Variants in CADPS2 observed in about 807,000 individuals in gnomAD.
CADPS2 encodes the protein calcium dependent secretion activator 2, also known as calcium-dependent secretion activator 2.
In CADPS2, 93 loss-of-function variants were observed where a neutral mutation model predicts 172.5. The ratio of observed to expected loss-of-function variants is 0.54; its 90% CI spans 0.46 to 0.64. CADPS2 has a LOEUF of 0.64. Among genes scored for constraint, CADPS2 ranks in the 30% least tolerant of loss-of-function variants. CADPS2 has a pLI of 0.00. For synonymous variants in CADPS2, 546 were observed against 555.2 expected, an observed-to-expected ratio of 0.98 and a Z score of 0.23; for missense variants, 1,420 against 1,565.9, an observed-to-expected ratio of 0.91 and a Z score of 1.57.
chr7:122,727,770 T>C (rs1036235141), intron 2 of CADPS2, among the ~76,000 whole-genome samples: 28 of 151,898 alleles, frequency 1.8e-4, no homozygotes, highest in African/African-American at 5.3e-4. Flanking sequence ...TATACAACAA[T>C]AGGAATCTCA....
intron 2 of CADPS2, among the ~76,000 whole-genome samples, chr7:122,691,368 C>T (rs951649013): frequency 6.6e-6 from 1 of 152,222 alleles, no homozygotes; most frequent in Non-Finnish European, 1.5e-5. Flanking sequence ...GGACTAAAAG[C>T]CTGTTGGCAC....
At chr7:122,519,401 T>C (rs772070370) in intron 8 of CADPS2, among the ~76,000 whole-genome samples, 1 of 152,102 alleles carries the variant, frequency 6.6e-6, no homozygotes, top group African/African-American at 2.4e-5. Context: ...AACAATTGCC[T>C]GCTTAACTTT....
chr7:122,541,194 A>G (rs1191724508), intron 8 of CADPS2, among the ~76,000 whole-genome samples: 1 of 151,094 alleles, frequency 6.6e-6, no homozygotes, highest in African/African-American at 2.4e-5. Flanking sequence ...TGGTATTATG[A>G]GATGATTTTT....
At chr7:122,414,911 T>C (rs1237763980) in intron 18 of CADPS2, among the ~76,000 whole-genome samples, 1 of 152,220 alleles carries the variant, frequency 6.6e-6, no homozygotes, top group African/African-American at 2.4e-5. Context: ...TTTCATGTGC[T>C]TCCTCAAGAA....
intron 14 of CADPS2, among the ~76,000 whole-genome samples, chr7:122,467,920 G>C (rs913928531): frequency 2.6e-5 from 4 of 152,134 alleles, no homozygotes; most frequent in Non-Finnish European, 5.9e-5. Flanking sequence ...GCATGAGTGG[G>C]TCTGTTTCTG....
chr7:122,608,357 T>C (rs977656513), intron 6 of CADPS2, among the ~76,000 whole-genome samples: 1 of 152,220 alleles, frequency 6.6e-6, no homozygotes, highest in African/African-American at 2.4e-5. Flanking sequence ...GAAACTAATA[T>C]GCTTTTAAAA....
chr7:122,852,830 A>G (rs1814062744), intron 1 of CADPS2, among the ~76,000 whole-genome samples: 1 of 152,268 alleles, frequency 6.6e-6, no homozygotes, highest in South Asian at 2.1e-4. Context: ...GACTTCTGTT[A>G]TAACGGAATC....
At chr7:122,623,257 T>C (rs901065355) in intron 4 of CADPS2, among the ~76,000 whole-genome samples, 2 of 151,666 alleles carry the variant, frequency 1.3e-5, no homozygotes, top group African/African-American at 4.8e-5. Flanking sequence ...AGGGAAGGAA[T>C]TGTCTTTAGA....
chr7:122,882,123 T>C (rs547140435), intron 1 of CADPS2, among the ~76,000 whole-genome samples: 4 of 152,276 alleles, frequency 2.6e-5, no homozygotes, highest in Non-Finnish European at 5.9e-5. Flanking sequence ...TTTCACCCAA[T>C]ACTATTTCCC....
intron 1 of CADPS2, among the ~76,000 whole-genome samples, chr7:122,869,017 G>T (rs1819034467): frequency 6.6e-6 from 1 of 151,734 alleles, no homozygotes; most frequent in African/African-American, 2.4e-5. Flanking sequence ...GGAGCTAAAT[G>T]AAAAAAGAAT....
chr7:122,506,149 G>A (rs2059591894), intron 9 of CADPS2, among the ~76,000 whole-genome samples: 1 of 152,038 alleles, frequency 6.6e-6, no homozygotes, highest in African/African-American at 2.4e-5. Flanking sequence ...CCACTTGCCA[G>A]GGAATTAGAT....
intron 9 of CADPS2, among the ~76,000 whole-genome samples, chr7:122,512,250 G>A (rs1428252774): frequency 6.6e-6 from 1 of 152,082 alleles, no homozygotes; most frequent in African/African-American, 2.4e-5. Context: ...CTGGAAGACA[G>A]CAAATGATCA....
intron 6 of CADPS2, among the ~76,000 whole-genome samples, chr7:122,609,549 T>C (rs954031726): frequency 2.0e-5 from 3 of 152,150 alleles, no homozygotes; most frequent in Non-Finnish European, 4.4e-5. Flanking sequence ...TTTTACAAAA[T>C]AAAAATTAAA....
intron 2 of CADPS2, among the ~76,000 whole-genome samples, chr7:122,670,316 T>G (rs2081672353): frequency 1.3e-5 from 2 of 152,102 alleles, no homozygotes; most frequent in African/African-American, 4.8e-5. Context: ...CAGTGGCTCA[T>G]GCTGGTATCC....
intron 14 of CADPS2, among the ~76,000 whole-genome samples, chr7:122,453,020 T>A (rs1375551893): frequency 6.6e-6 from 1 of 152,176 alleles, no homozygotes; most frequent in African/African-American, 2.4e-5. Flanking sequence ...CATTTAAGTA[T>A]GAGATTTTTT....
At chr7:122,459,061 A>C (rs2054140131) in intron 14 of CADPS2, among the ~76,000 whole-genome samples, 1 of 152,034 alleles carries the variant, frequency 6.6e-6, no homozygotes. Context: ...TAAATATGCC[A>C]ACCAGAAATA....
At chr7:122,876,875 A>G (rs933330435) in intron 1 of CADPS2, among the ~76,000 whole-genome samples, 37 of 152,166 alleles carry the variant, frequency 2.4e-4, no homozygotes, top group African/African-American at 8.7e-4. Flanking sequence ...AGGTAATTTC[A>G]CGAGTGAATT....
rs1211156803 is a variant in CADPS2 at position 122,709,336 on chromosome 7, G to A, written c.453+27619C>T. ...CATCATCACTGGCCATCAGAGAAAT[G>A]CAAATCAAAACCACAATGAGATACC... On this transcript the variant is annotated intron_variant, in intron 2 of 29. Transcript: ENST00000449022. Among the ~76,000 whole-genome samples, 3 of 151,974 alleles carry A rather than the reference G, an allele frequency of 2.0e-5. 1 individual carries two copies. The highest frequency in any genetic ancestry group is 4.4e-5 in the Non-Finnish European group (3 of 68,000).
At chr7:122,778,683 G>A (rs887700777) in intron 1 of CADPS2, among the ~76,000 whole-genome samples, 1 of 152,230 alleles carries the variant, frequency 6.6e-6, no homozygotes, top group Admixed American at 6.5e-5. Context: ...GCCTCACGGG[G>A]TGCAAGCCCC....
Sources: allele counts gnomAD v4.1 joint callset (sites outside exome capture counted in the v4.1 genomes callset), GRCh38; gene constraint gnomAD v4.1.1; transcripts MANE v1.5; gene names NCBI Gene and HGNC (gene_info 2026-07-23, HGNC 2026-07-21).